The following MED13L variants were observed in gnomAD, a reference collection of about 807,000 sequenced individuals.
The protein encoded by MED13L is mediator complex subunit 13L.
MED13L carries 7 observed loss-of-function variants against 220.9 expected under a neutral mutation model. The ratio of observed to expected loss-of-function variants is 0.03; its 90% CI spans 0.02 to 0.06. The LOEUF (loss-of-function observed/expected upper bound fraction) is 0.06, where lower values mean the gene tolerates loss of function less well. Ranked by LOEUF, MED13L falls within the 10% of genes least tolerant of loss-of-function variation. The probability of loss-of-function intolerance (pLI) is 1.00; values close to 1 mark genes in which losing one functional copy is unlikely to be tolerated. For synonymous variants in MED13L, 1,011 were observed against 1,015.2 expected (o/e 1.00, Z 0.08); for missense variants, 1,965 against 2,760.5 (o/e 0.71, Z 6.46).
chr12:116,238,565 A>G (rs935279352), intron 1 of MED13L, among the ~76,000 whole-genome samples: 2 of 152,252 alleles, frequency 1.3e-5, no homozygotes, highest in African/African-American at 4.8e-5. Flanking sequence ...TTAATTCTGT[A>G]CCAAACAGCC....
At chr12:116,043,175 C>G (rs1266048518) in intron 4 of MED13L, among the ~76,000 whole-genome samples, 1 of 152,110 alleles carries the variant, frequency 6.6e-6, no homozygotes, top group Non-Finnish European at 1.5e-5. Context: ...CCCATTTAAT[C>G]ATGATACTCT....
intron 3 of MED13L, among the ~76,000 whole-genome samples, chr12:116,108,507 G>C (rs939488975): frequency 6.6e-6 from 1 of 151,850 alleles, no homozygotes; most frequent in Admixed American, 6.6e-5. Flanking sequence ...ATGAATAAAC[G>C]GAGCCAACAA....
At position 116,225,525 on chromosome 12, in the gene MED13L, G is replaced by C. The variant is rs1190495839; in HGVS notation, c.310+11943C>G. On this transcript the variant is annotated intron_variant, in intron 2 of 30. Coordinates refer to ENST00000281928, the MANE Select transcript of MED13L (RefSeq NM_015335.5). Reference sequence around the variant, plus strand: ...CAGAGTTGTATGTAATTTGTCCAAGGATGCCAAGGCAAGCAACCTTTTCGT... The same window carrying C: ...CAGAGTTGTATGTAATTTGTCCAAGCATGCCAAGGCAAGCAACCTTTTCGT... Among the ~76,000 whole-genome samples the C allele has an allele frequency of 3.9e-5, 6 of 152,156 alleles. No individual in the cohort carries two copies. In the East Asian group the frequency reaches 9.6e-4, roughly 24 times the overall value.
chr12:116,176,395 C>CCAT (rs140238306), intron 2 of MED13L, among the ~76,000 whole-genome samples: 3,067 of 151,750 alleles, frequency 0.02, 50 homozygotes, highest in Middle Eastern at 0.051. Flanking sequence ...ATATAAGCTC[C>CCAT]CATCATCATC....
At chr12:116,265,035 C>T (rs1872735645) in intron 1 of MED13L, among the ~76,000 whole-genome samples, 1 of 152,140 alleles carries the variant, frequency 6.6e-6, no homozygotes, top group South Asian at 2.1e-4. Context: ...ACTGGCTTAC[C>T]TTGCCATTCA....
chr12:116,142,368 C>T (rs748780825), intron 2 of MED13L, among the ~76,000 whole-genome samples: 4 of 152,102 alleles, frequency 2.6e-5, no homozygotes, highest in Non-Finnish European at 5.9e-5. Context: ...TAGCAATAGT[C>T]CTATAGCTGT....
chr12:116,267,201 A>T (rs1872897637), intron 1 of MED13L, among the ~76,000 whole-genome samples: 1 of 152,196 alleles, frequency 6.6e-6, no homozygotes, highest in Non-Finnish European at 1.5e-5. Flanking sequence ...TGGTACAGCA[A>T]AATCACCCAG....
At chr12:116,116,218 T>C (rs988047551) in intron 2 of MED13L, among the ~76,000 whole-genome samples, 1 of 152,144 alleles carries the variant, frequency 6.6e-6, no homozygotes, top group Non-Finnish European at 1.5e-5. Flanking sequence ...TAGAACTTTC[T>C]ATCTCAGCCC....
At chr12:116,150,966 C>T (rs1877990661) in intron 2 of MED13L, among the ~76,000 whole-genome samples, 1 of 152,142 alleles carries the variant, frequency 6.6e-6, no homozygotes, top group African/African-American at 2.4e-5. Context: ...CTACACTAGG[C>T]CCACAGTAGG....
intron 4 of MED13L, among the ~76,000 whole-genome samples, chr12:116,075,330 A>G (rs1416882972): frequency 6.6e-6 from 1 of 152,158 alleles, no homozygotes; most frequent in East Asian, 1.9e-4. Flanking sequence ...CTACCACTTA[A>G]TCTCACAAGG....
At chr12:116,021,181 G>A (rs1880040609) in intron 5 of MED13L, among the ~76,000 whole-genome samples, 1 of 152,088 alleles carries the variant, frequency 6.6e-6, no homozygotes, top group African/African-American at 2.4e-5. Context: ...CTCCACAAAA[G>A]TATTCTATGA....
At chr12:116,114,580 C>T (rs1386252424) in intron 2 of MED13L, among the ~76,000 whole-genome samples, 12 of 152,024 alleles carry the variant, frequency 7.9e-5, no homozygotes, top group African/African-American at 2.4e-4. Context: ...ACTGAACGAA[C>T]GGTAAGGATG....
intron 1 of MED13L, among the ~76,000 whole-genome samples, chr12:116,271,950 G>T (rs1351979079): frequency 1.3e-5 from 2 of 151,884 alleles, no homozygotes; most frequent in Non-Finnish European, 2.9e-5. Context: ...GCTTAAAGAA[G>T]GGGAACATTG....
chr12:116,018,462 G>A (rs904880719), intron 7 of MED13L, among the ~76,000 whole-genome samples: 14 of 152,124 alleles, frequency 9.2e-5, no homozygotes, highest in African/African-American at 3.4e-4. Context: ...TTACTCTAAT[G>A]TTCCTGCCAG....
chr12:116,130,981 T>A (rs1321903440), intron 2 of MED13L, among the ~76,000 whole-genome samples: 1 of 152,220 alleles, frequency 6.6e-6, no homozygotes, highest in Non-Finnish European at 1.5e-5. Flanking sequence ...TTGAACAATG[T>A]ATGTTTTATT....
intron 2 of MED13L, among the ~76,000 whole-genome samples, chr12:116,234,154 T>TA (rs557026356): frequency 1.2e-4 from 18 of 151,998 alleles, no homozygotes; most frequent in South Asian, 4.2e-4. Context: ...ATGCCTCTAT[T>TA]AAAAAAAATG....
chr12:116,066,702 C>T (rs1261360042), intron 4 of MED13L, among the ~76,000 whole-genome samples: 4 of 151,562 alleles, frequency 2.6e-5, no homozygotes, highest in Admixed American at 2.6e-4. Flanking sequence ...GAGTTTTTAT[C>T]TGTAACAAAA....
rs750980622 is a variant in MED13L at position 115,983,103 on chromosome 12, A to AATT, written c.4955+13_4955+14insAAT. On this transcript the variant is annotated intron_variant, in intron 21 of 30. Transcript: ENST00000281928. ...TGAGCTGAAGCCACTCATCTCAATT[A>AATT]GTGAATAACATACCTCTCTTGTCCA... The AATT allele has an allele frequency of 1.9e-6, 3 of 1,613,496 alleles. No individual in the cohort carries two copies. In the East Asian group the frequency reaches 6.7e-5, roughly 36 times the overall value.
Position 115,972,200 on chromosome 12 carries a change from G to C in MED13L, c.5768C>G (p.Thr1923Arg). 1 of 1,613,960 alleles carries C rather than the reference G, an allele frequency of 6.2e-7. No individual in the cohort carries two copies. Among genetic ancestry groups the C allele is most frequent in the Non-Finnish European group, 8.5e-7 (1 of 1,179,908 alleles). The change falls in exon 26 of 31, where the codon ACA becomes AGA. Residue 1923 changes from threonine (T) to arginine (R), a missense_variant. Thr to Arg is a moderately conservative substitution (Grantham distance 71). Around this residue, in one of 10 missense-constraint regions of MED13L, gnomAD observed 23 missense variants for 67.1 expected, o/e 0.34. Transcript: ENST00000281928. ...CACATCCTTGAGCTTTTTGCTGATT[G>C]TCTGTAGTGAACATTCTCCAAGGAG... ...SILLGECSLQ[T>R]ISKKLKDVCR... is the part of the protein sequence containing the mutation.
Sources: gnomAD v4.1 joint callset for allele counts (sites outside exome capture counted in the v4.1 genomes callset) on GRCh38, gnomAD v4.1.1 for gene constraint, gnomAD v4.1.1 regional missense constraint, MANE v1.5 for transcripts, NCBI Gene and HGNC (gene_info 2026-07-23, HGNC 2026-07-21) for gene names.